The following JAG1 variants were observed in gnomAD, a reference collection of about 807,000 sequenced individuals.
JAG1 encodes the protein protein jagged-1.
JAG1 carries 23 observed loss-of-function variants against 148.7 expected under a neutral mutation model. The ratio of observed to expected loss-of-function variants is 0.15; its 90% CI spans 0.11 to 0.22. The LOEUF is 0.22. Among genes scored for constraint, JAG1 ranks in the 10% least tolerant of loss-of-function variants. JAG1 has a pLI of 1.00. For synonymous variants in JAG1, 572 were observed against 598.3 expected, an observed-to-expected ratio of 0.96 and a Z score of 0.64; for missense variants, 1,054 against 1,611.2, an observed-to-expected ratio of 0.65 and a Z score of 5.92.
At chr20:10,671,947 G>A (rs890673217) in intron 2 of JAG1, among the ~76,000 whole-genome samples, 1 of 151,964 alleles carries the variant, frequency 6.6e-6, no homozygotes, top group Non-Finnish European at 1.5e-5. Context: ...GGCTTGCGGG[G>A]GCCGTGCACC....
intron 5 of JAG1, 24 bp from the exon 6 acceptor site, chr20:10,652,622 AG>A (rs764057298): frequency 2.1e-5 from 34 of 1,613,248 alleles, no homozygotes; most frequent in Non-Finnish European, 2.6e-5. Flanking sequence ...GCACACCTCC[AG>A]GTTAGCCTTT....
At position 10,646,080 on chromosome 20, in the gene JAG1, A is replaced by C; in HGVS notation, c.1890T>G (p.Ile630Met). Residue 630 changes from isoleucine to methionine, a missense_variant, in exon 15 of 26, where the codon ATT (isoleucine) becomes ATG (methionine). By Grantham distance (10) the Ile-to-Met change is conservative. Around this residue, in one of 6 missense-constraint regions of JAG1, gnomAD observed 35 missense variants for 99.7 expected, o/e 0.35. Transcript: ENST00000254958. ...GFTGTYCHEN[I>M]NDCESNPCRN... ...TACAAGGGTTGCTCTCACAGTCATTAATATCTATGAAACAAAGTAAAGCAA... is the reference window on the plus strand; with the variant it reads ...TACAAGGGTTGCTCTCACAGTCATTCATATCTATGAAACAAAGTAAAGCAA... 6.2e-7 allele frequency: 1 copy of C among 1,606,304 alleles called. No homozygotes were observed. Among genetic ancestry groups the C allele is most frequent in the East Asian group, 2.2e-5 (1 of 44,840 alleles).
In JAG1 at chr20:10,657,333, A is replaced by C. The variant is rs541236582; in HGVS notation, c.695-875T>G. Among the ~76,000 whole-genome samples the C allele has an allele frequency of 4.7e-5, 7 of 148,942 alleles. No homozygotes were observed. The East Asian group carries it at 1.0e-3, about 21-fold the overall frequency. On this transcript the variant is annotated intron_variant, in intron 4 of 25. Transcript: ENST00000254958. ...CATGATTGTGCCATCATGGGTGACA[A>C]AGTGAGCACCTTATCTTAAAAAAAA...
At chr20:10,656,552 T>A (rs946117284) in intron 4 of JAG1, 94 bp from the exon 5 acceptor site, 2 of 1,055,852 alleles carry the variant, frequency 1.9e-6, no homozygotes, top group Non-Finnish European at 2.9e-6. Flanking sequence ...GTCTGCAAAT[T>A]CCACGATTTT....
In JAG1 at chr20:10,639,770, G is replaced by T. The variant is rs768642155; in HGVS notation, c.3385C>A (p.His1129Asn). The T allele has an allele frequency of 1.3e-5, 21 of 1,613,986 alleles. No individual in the cohort carries two copies. In the East Asian group the frequency reaches 4.0e-4, roughly 31 times the overall value. ...TTGATGGGGACCGTGTTGGCCCCAT[G>T]TTTCTCAATGGGGTTTTTGATCTGG... is the stretch of plus-strand genomic sequence containing the variant. ...LNQIKNPIEK[H>N]GANTVPIKDY... Residue 1129 changes from histidine to asparagine, a missense_variant, in exon 26 of 26, where the codon CAT (histidine) becomes AAT (asparagine). Physicochemically the swap from His to Asn is moderately conservative, Grantham distance 68 (BLOSUM62 1). This residue lies in a region of JAG1 where 177 missense variants were observed against 177.3 expected (regional missense o/e 1.00). Coordinates refer to ENST00000254958, the MANE Select transcript of JAG1 (RefSeq NM_000214.3).
chr20:10,658,397 C>T, intron 4 of JAG1, 71 bp downstream of exon 4: 1 of 1,596,108 alleles, frequency 6.3e-7, no homozygotes, highest in Non-Finnish European at 8.5e-7. Context: ...ATGCCACCTG[C>T]CTGCTGGTGG....
chr20:10,646,906 G>A, intron 14 of JAG1, 33 bp downstream of exon 14: 1 of 1,608,002 alleles, frequency 6.2e-7, no homozygotes, highest in Non-Finnish European at 8.5e-7. Context: ...AGGCTGGGGA[G>A]CACTGGTCCA....
At chr20:10,656,889 AAAAAAAC>A (rs2067383002) in intron 4 of JAG1, among the ~76,000 whole-genome samples, 1 of 151,612 alleles carries the variant, frequency 6.6e-6, no homozygotes, top group Non-Finnish European at 1.5e-5. Flanking sequence ...AAAAAAAAAA[AAAAAAAC>A]AACCCATACC....
At position 10,649,561 on chromosome 20, in the gene JAG1, C is replaced by G. The variant is rs758876727; in HGVS notation, c.1309G>C (p.Asp437His). Reference sequence around the variant, plus strand: ...TGACCCATCCAGCCGGGAAGACAGTCGCAGTAGTAGCTGGCAATGAGATTC... The same window carrying G: ...TGACCCATCCAGCCGGGAAGACAGTGGCAGTAGTAGCTGGCAATGAGATTC... ...CKNLIASYYC[D>H]CLPGWMGQNC... is the part of the protein sequence containing the mutation. Residue 437 changes from aspartate (D) to histidine (H), a missense_variant, in exon 10 of 26, where the codon GAC becomes CAC. Physicochemically the swap from Asp to His is moderately conservative, Grantham distance 81. Around this residue, in one of 6 missense-constraint regions of JAG1, gnomAD observed 245 missense variants for 373.1 expected, o/e 0.66. Transcript: ENST00000254958. The G allele has an allele frequency of 1.9e-6, 3 of 1,613,458 alleles. No individual in the cohort carries two copies. Among genetic ancestry groups the G allele is most frequent in the Non-Finnish European group, 2.5e-6 (3 of 1,179,410 alleles).
At chr20:10,670,877 C>A (rs2067490375) in intron 2 of JAG1, among the ~76,000 whole-genome samples, 1 of 152,202 alleles carries the variant, frequency 6.6e-6, no homozygotes, top group Non-Finnish European at 1.5e-5. Flanking sequence ...TACCCTCCCA[C>A]ACTATTTCCG....
intron 19 of JAG1, 137 bp from the exon 20 acceptor site, chr20:10,644,000 A>C: frequency 1.4e-6 from 1 of 740,394 alleles, no homozygotes; most frequent in Non-Finnish European, 2.4e-6. Flanking sequence ...TTAAAAGAAT[A>C]CTGATGCCTG....
chr20:10,671,552 G>A (rs1019577422), intron 2 of JAG1, among the ~76,000 whole-genome samples: 18 of 152,096 alleles, frequency 1.2e-4, no homozygotes, highest in African/African-American at 4.3e-4. Context: ...CCGGCGGACA[G>A]GAGGCAGCAG....
At chr20:10,658,417 TG>T in intron 4 of JAG1, 50 bp downstream of exon 4, 2 of 1,608,730 alleles carry the variant, frequency 1.2e-6, no homozygotes, top group Non-Finnish European at 1.7e-6. Context: ...GGGTGATAAA[TG>T]GACACTAAAA....
chr20:10,666,524 C>G (rs1178052395), intron 2 of JAG1, among the ~76,000 whole-genome samples: 1 of 152,160 alleles, frequency 6.6e-6, no homozygotes, highest in African/African-American at 2.4e-5. Context: ...GTTTATACAG[C>G]AAAACAACAA....
In JAG1 at chr20:10,658,467, C is replaced by A. The variant is rs876660979; in HGVS notation, c.694+1G>T. ...GTGCACATGCACACACACACACATA[C>A]CTCTGTTACATTCGGGGCCCATCCA... On this transcript the variant is annotated splice_donor_variant, in intron 4 of 25. Coordinates refer to ENST00000254958, the MANE Select transcript of JAG1 (RefSeq NM_000214.3). LOFTEE classifies it high-confidence loss of function. 6.2e-7 allele frequency: 1 copy of A among 1,613,750 alleles called. No homozygotes were observed. Among genetic ancestry groups the A allele is most frequent in the Admixed American group, 1.7e-5 (1 of 60,002 alleles).
intron 13 of JAG1, 183 bp from the exon 14 acceptor site, chr20:10,647,286 C>G: frequency 1.5e-6 from 1 of 674,442 alleles, no homozygotes; most frequent in Non-Finnish European, 2.6e-6. Context: ...AAAGTTGAGA[C>G]TCCAGGCAAA....
At chr20:10,649,361 GTA>G (rs2067331055) in intron 10 of JAG1, among the ~76,000 whole-genome samples, 159 bp downstream of exon 10, 1 of 152,148 alleles carries the variant, frequency 6.6e-6, no homozygotes, top group African/African-American at 2.4e-5. Context: ...CTGATAAAGT[GTA>G]TGTTTTCACT....
chr20:10,673,389 C>G lies in JAG1; in HGVS notation c.81+61G>C. The G allele has an allele frequency of 8.0e-7, 1 of 1,255,160 alleles. No homozygotes were observed. Among genetic ancestry groups the G allele is most frequent in the African/African-American group, 1.6e-5 (1 of 63,170 alleles). The allele number at this position is 1,255,160 out of a possible 1,614,324, so 77.8% of individuals were successfully genotyped here. The stretch of plus-strand genomic sequence containing the variant: ...AGCCTGCTCGCGGGGCTCAACCGCC[C>G]AGGGCGCCGCGAGGGGAGGGAGAGG... On this transcript the variant is annotated intron_variant, in intron 1 of 25. Transcript: ENST00000254958. The surrounding 1 kb of genome is among the most constrained non-coding windows in gnomAD (Gnocchi z 4.7).
At chr20:10,647,194 G>A in intron 13 of JAG1, 91 bp from the exon 14 acceptor site, 1 of 1,476,450 alleles carries the variant, frequency 6.8e-7, no homozygotes, top group Non-Finnish European at 9.4e-7. Context: ...CACTTTCCTG[G>A]AGACAGGGAC....
Sources: gnomAD v4.1 joint callset for allele counts (sites outside exome capture counted in the v4.1 genomes callset) on GRCh38, gnomAD v4.1.1 for gene constraint, gnomAD v4.1.1 regional missense constraint, Gnocchi (gnomAD v3.1) non-coding constraint, MANE v1.5 for transcripts, NCBI Gene and HGNC (gene_info 2026-07-23, HGNC 2026-07-21) for gene names.